The following MTM1 variants were observed in gnomAD, a reference collection of about 807,000 sequenced individuals.
The protein encoded by MTM1 is myotubularin 1.
MTM1 carries 9 observed loss-of-function variants against 52.1 expected under a neutral mutation model. The observed-to-expected ratio is 0.17, with a 90% CI of 0.10 to 0.30. MTM1 has a LOEUF of 0.30. Among genes scored for constraint, MTM1 ranks in the 10% least tolerant of loss-of-function variants. MTM1 has a pLI of 1.00. For missense variants in MTM1, 277 were observed against 470.7 expected, an observed-to-expected ratio of 0.59 and a Z score of 3.81; for synonymous variants, 136 against 163.8, an observed-to-expected ratio of 0.83 and a Z score of 1.29.
chrX:150,658,647 C>A (rs2040168027), intron 11 of MTM1, among the ~76,000 whole-genome samples: 1 of 111,108 alleles, frequency 9.0e-6, no homozygotes, highest in Admixed American at 9.6e-5. Flanking sequence ...AAAGAACATA[C>A]TAAAATTCAT....
intron 8 of MTM1, 144 bp downstream of exon 8, chrX:150,641,562 C>A: frequency 1.4e-6 from 1 of 706,882 alleles, no homozygotes; most frequent in East Asian, 3.3e-5. Context: ...AGTACCATAC[C>A]AGACTGGAGA....
chrX:150,592,550 A>C, intron 1 of MTM1, 55 bp from the exon 2 acceptor site: 2 of 910,199 alleles, frequency 2.2e-6, no homozygotes, highest in Non-Finnish European at 3.2e-6. Context: ...GATGTCACAT[A>C]TGTTTGAAAT....
At chrX:150,662,548 TC>T (rs1375355984) in intron 13 of MTM1, among the ~76,000 whole-genome samples, 1 of 111,016 alleles carries the variant, frequency 9.0e-6, no homozygotes, top group Non-Finnish European at 1.9e-5. Context: ...GGTCTCAAAC[TC>T]CTGACCTCAG....
At chrX:150,661,407 T>C (rs1256818965) in intron 13 of MTM1, among the ~76,000 whole-genome samples, 1 of 111,428 alleles carries the variant, frequency 9.0e-6, no homozygotes, top group Non-Finnish European at 1.9e-5. Context: ...AAAATATAGC[T>C]ACCATACGAT....
chrX:150,569,466 A>G (rs1459437124), intron 1 of MTM1, among the ~76,000 whole-genome samples: 1 of 112,566 alleles, frequency 8.9e-6, no homozygotes, highest in Non-Finnish European at 1.9e-5. Context: ...TGGTTTTGAA[A>G]CAGATACACC....
chrX:150,606,314 C>T (rs1289622844), intron 4 of MTM1, among the ~76,000 whole-genome samples: 1 of 111,965 alleles, frequency 8.9e-6, no homozygotes, highest in Admixed American at 9.4e-5. Context: ...TGCCAGTACC[C>T]TTGGTTCCTT....
intron 1 of MTM1, among the ~76,000 whole-genome samples, chrX:150,583,248 T>TTA (rs1398047944): frequency 3.1e-5 from 2 of 65,259 alleles, no homozygotes; most frequent in Non-Finnish European, 5.0e-5. Flanking sequence ...AATTATAAAT[T>TTA]TATATAATTT....
chrX:150,625,579 G>T (rs1166546065), intron 6 of MTM1, among the ~76,000 whole-genome samples: 1 of 112,076 alleles, frequency 8.9e-6, no homozygotes, highest in Non-Finnish European at 1.9e-5. Flanking sequence ...GCAGTGATAT[G>T]TATGAAAAGA....
chrX:150,655,082 T>G (rs1206442273), intron 10 of MTM1, among the ~76,000 whole-genome samples: 1 of 110,801 alleles, frequency 9.0e-6, no homozygotes, highest in East Asian at 2.8e-4. Context: ...TCCCAGCACT[T>G]TGGGAGGCCG....
At chrX:150,664,371 T>A (rs976735864) in intron 14 of MTM1, among the ~76,000 whole-genome samples, 3 of 113,020 alleles carry the variant, frequency 2.7e-5, no homozygotes, top group Middle Eastern at 4.2e-3. Context: ...CCAGCTTTAA[T>A]GCCAGAAATA....
chrX:150,659,593 AT>A, intron 11 of MTM1, 70 bp from the exon 12 acceptor site: 3 of 900,876 alleles, frequency 3.3e-6, no homozygotes, highest in Admixed American at 4.5e-5. Flanking sequence ...GTATTGTCAC[AT>A]TTTGTGTTAT....
intron 4 of MTM1, among the ~76,000 whole-genome samples, chrX:150,601,347 A>G (rs1310030414): frequency 1.1e-4 from 12 of 112,324 alleles, no homozygotes; most frequent in Admixed American, 4.7e-4. Context: ...ATGGTTATAC[A>G]GGAGTCTAAA....
intron 14 of MTM1, among the ~76,000 whole-genome samples, chrX:150,666,938 C>T (rs1603210973): frequency 9.0e-6 from 1 of 111,622 alleles, no homozygotes; most frequent in South Asian, 3.8e-4. Context: ...AGTCCAAGCA[C>T]TTCTCACTGA....
At chrX:150,565,153 C>A (rs188292626), upstream of MTM1, among the ~76,000 whole-genome samples, 2 of 112,180 alleles carry the variant, frequency 1.8e-5, no homozygotes, top group Non-Finnish European at 3.8e-5. Context: ...CAGTGATCAC[C>A]GTGGCAACTT....
At chrX:150,656,108 C>T (rs782740675) in intron 10 of MTM1, among the ~76,000 whole-genome samples, 12 of 110,855 alleles carry the variant, frequency 1.1e-4, no homozygotes, top group South Asian at 7.6e-4. Flanking sequence ...AGTCTAGACG[C>T]GACCTGTTGG....
At chrX:150,566,173 T>A (rs1419126447), upstream of MTM1, among the ~76,000 whole-genome samples, 1 of 111,526 alleles carries the variant, frequency 9.0e-6, no homozygotes, top group Non-Finnish European at 1.9e-5. Context: ...TCTCACTCTG[T>A]CACCCAGGCT....
chrX:150,658,910 A>G (rs1411642060), intron 11 of MTM1, among the ~76,000 whole-genome samples: 2 of 112,243 alleles, frequency 1.8e-5, no homozygotes, highest in Non-Finnish European at 3.8e-5. Context: ...CTGGAGCGCA[A>G]TGGCGTGATC....
intron 6 of MTM1, among the ~76,000 whole-genome samples, chrX:150,619,542 A>G (rs782282163): frequency 8.9e-6 from 1 of 112,465 alleles, no homozygotes; most frequent in Non-Finnish European, 1.9e-5. Flanking sequence ...CCAATTTATT[A>G]TGCATTTAAT....
chrX:150,585,983 A>G (rs978749774), intron 1 of MTM1, among the ~76,000 whole-genome samples: 6 of 111,924 alleles, frequency 5.4e-5, no homozygotes, highest in African/African-American at 9.8e-5. Flanking sequence ...CAAATCCATC[A>G]CTAGCCACTG....
Sources: gnomAD v4.1 joint callset for allele counts (sites outside exome capture counted in the v4.1 genomes callset) on GRCh38, gnomAD v4.1.1 for gene constraint, MANE v1.5 for transcripts, NCBI Gene and HGNC (gene_info 2026-07-23, HGNC 2026-07-21) for gene names.